The following LRGUK variants were observed in gnomAD, a reference collection of about 807,000 sequenced individuals.
The protein encoded by LRGUK is leucine-rich repeat and guanylate kinase domain-containing protein.
In LRGUK, 65 loss-of-function variants were observed where a neutral mutation model predicts 76.0. The observed-to-expected ratio is 0.85, with a 90% CI of 0.70 to 1.05. The LOEUF is 1.05. LRGUK is among the 50% of genes least tolerant of loss of function. The probability of loss-of-function intolerance (pLI) is 0.00; values close to 1 mark genes in which losing one functional copy is unlikely to be tolerated. For missense variants in LRGUK, 758 were observed against 732.8 expected (o/e 1.03, Z -0.40); for synonymous variants, 268 against 265.6 (o/e 1.01, Z -0.09).
intron 5 of LRGUK, among the ~76,000 whole-genome samples, chr7:134,156,137 G>A (rs368989602): frequency 6.6e-6 from 1 of 152,190 alleles, no homozygotes; most frequent in African/African-American, 2.4e-5. Context: ...CCAAGCTGAT[G>A]GGTAAAGAAT....
exon 12 of LRGUK, chr7:134,191,669 C>T: frequency 6.2e-7 from 1 of 1,611,946 alleles, no homozygotes; most frequent in Non-Finnish European, 8.5e-7. Context: ...TGTCATACCA[C>T]AAGACCACCT....
At chr7:134,213,602 T>C (rs546386208), downstream of LRGUK, among the ~76,000 whole-genome samples, 24 of 152,162 alleles carry the variant, frequency 1.6e-4, no homozygotes, top group Non-Finnish European at 3.4e-4. Context: ...CTGAAGGCAT[T>C]TGGGGTTGCA....
chr7:134,188,760 T>A (rs1300446892), intron 11 of LRGUK, among the ~76,000 whole-genome samples: 2 of 152,222 alleles, frequency 1.3e-5, no homozygotes, highest in Non-Finnish European at 2.9e-5. Context: ...GCTCACTTAC[T>A]AACAATGTGA....
At chr7:134,263,601 CT>C (rs1297567646) in intron 19 of LRGUK, among the ~76,000 whole-genome samples, 1 of 148,302 alleles carries the variant, frequency 6.7e-6, no homozygotes, top group East Asian at 2.0e-4. Flanking sequence ...CACTATTATT[CT>C]TCCTTGAATG....
At chr7:134,176,029 G>A (rs1799463696) in intron 8 of LRGUK, among the ~76,000 whole-genome samples, 1 of 152,092 alleles carries the variant, frequency 6.6e-6, no homozygotes, top group African/African-American at 2.4e-5. Context: ...CACTGGCCAC[G>A]GGATCTTAGA....
chr7:134,171,898 G>A lies in LRGUK; in HGVS notation c.940-2658G>A, dbSNP rs546165645. 5.9e-5 allele frequency among the ~76,000 whole-genome samples: 9 copies of A among 152,266 alleles called. No individual in the cohort carries two copies. In the South Asian group the frequency reaches 1.9e-3, roughly 32 times the overall value. On this transcript the variant is annotated intron_variant, in intron 7 of 15. Transcript: ENST00000645682. ...GTGCAGGAGAGGGAGGGCGCATGCA[G>A]GGCAAGCAGTATCTGTGGCACTTTG...
chr7:134,153,302 A>G (rs1798309597), intron 5 of LRGUK, among the ~76,000 whole-genome samples: 1 of 152,146 alleles, frequency 6.6e-6, no homozygotes. Flanking sequence ...ACTATAAGAT[A>G]CCAATTTTTT....
chr7:134,162,831 A>G lies in LRGUK; in HGVS notation c.796-566A>G, dbSNP rs1031305320. Among the ~76,000 whole-genome samples the G allele has an allele frequency of 2.3e-3, 345 of 147,908 alleles. 6 individuals are homozygous for G. In the East Asian group the frequency reaches 0.047, roughly 20 times the overall value. ...TACAAAGCCAGACTCCTTCTCAAAA[A>G]AAAAAAAAAAAAAAAAAAAAGAGTG... On this transcript the variant is annotated intron_variant, in intron 6 of 15. Transcript: ENST00000645682.
intron 4 of LRGUK, among the ~76,000 whole-genome samples, chr7:134,144,207 ACTCT>A (rs1429464676): frequency 6.6e-6 from 1 of 151,910 alleles, no homozygotes; most frequent in Admixed American, 6.6e-5. Context: ...ATCTTGTCTC[ACTCT>A]CACCGCAACC....
intron 6 of LRGUK, among the ~76,000 whole-genome samples, chr7:134,162,980 G>A (rs1798813318): frequency 6.6e-6 from 1 of 152,172 alleles, no homozygotes; most frequent in Non-Finnish European, 1.5e-5. Context: ...AAAACAAAAT[G>A]TATGTGGGGA....
At chr7:134,243,655 C>G (rs2117198124) in intron 16 of LRGUK, among the ~76,000 whole-genome samples, 1 of 152,112 alleles carries the variant, frequency 6.6e-6, no homozygotes, top group Admixed American at 6.5e-5. Flanking sequence ...CAATGCCATC[C>G]CCATCAAGCT....
At chr7:134,131,923 C>T (rs442484) in intron 1 of LRGUK, among the ~76,000 whole-genome samples, 3 of 152,146 alleles carry the variant, frequency 2.0e-5, no homozygotes, top group African/African-American at 7.2e-5. Flanking sequence ...CACGAATAGA[C>T]CCATAAAGGT....
intron 11 of LRGUK, among the ~76,000 whole-genome samples, chr7:134,188,750 G>A (rs1045514273): frequency 1.3e-5 from 2 of 152,116 alleles, no homozygotes; most frequent in Admixed American, 1.3e-4. Context: ...CATTGATAGA[G>A]CTCACTTACT....
intron 14 of LRGUK, among the ~76,000 whole-genome samples, chr7:134,201,031 T>A (rs1346891287): frequency 6.6e-6 from 1 of 152,148 alleles, no homozygotes; most frequent in Non-Finnish European, 1.5e-5. Context: ...TCAGGTGTCA[T>A]CCACGTGGCC....
chr7:134,205,313 A>G (rs1350995534), intron 15 of LRGUK, among the ~76,000 whole-genome samples: 1 of 152,108 alleles, frequency 6.6e-6, no homozygotes, highest in Non-Finnish European at 1.5e-5. Flanking sequence ...CTCTTGTAAG[A>G]CAGGAAAGTT....
At chr7:134,201,699 T>G in intron 15 of LRGUK, 123 bp downstream of exon 15, 1 of 638,416 alleles carries the variant, frequency 1.6e-6, no homozygotes, top group Admixed American at 2.8e-5. Flanking sequence ...TTCCTGTACT[T>G]CTTCTGGGGC....
At chr7:134,243,579 A>T (rs569510698) in intron 16 of LRGUK, among the ~76,000 whole-genome samples, 4 of 152,310 alleles carry the variant, frequency 2.6e-5, no homozygotes, top group African/African-American at 7.2e-5. Flanking sequence ...AGAACATTCC[A>T]TGCTCATGGA....
At chr7:134,253,235 T>C (rs1333719532) in intron 18 of LRGUK, among the ~76,000 whole-genome samples, 1 of 152,150 alleles carries the variant, frequency 6.6e-6, no homozygotes, top group Non-Finnish European at 1.5e-5. Context: ...TTTGGCCAAA[T>C]CATGAAAAGA....
downstream of LRGUK, among the ~76,000 whole-genome samples, chr7:134,268,717 CTTTTTTTTTTTT>C (rs71531815): frequency 2.3e-4 from 13 of 57,352 alleles, no homozygotes; most frequent in African/African-American, 7.7e-4. Flanking sequence ...TGCAAAAAAT[CTTTTTTTTTTTT>C]TTTTTTTTTT....
Sources: allele counts gnomAD v4.1 joint callset (sites outside exome capture counted in the v4.1 genomes callset), GRCh38; gene constraint gnomAD v4.1.1; transcripts MANE v1.5; gene names NCBI Gene and HGNC (gene_info 2026-07-23, HGNC 2026-07-21).